Variants in NIFK observed in about 807,000 individuals in gnomAD.
NIFK encodes the protein nucleolar protein interacting with the FHA domain of MKI67, also known as MKI67 FHA domain-interacting nucleolar phosphoprotein.
Under a neutral mutation model 31.7 loss-of-function variants are expected in NIFK, and 16 were observed. The ratio of observed to expected loss-of-function variants is 0.50; its 90% CI spans 0.34 to 0.77. The LOEUF is 0.77. NIFK is among the 30% of genes least tolerant of loss of function. The pLI is 0.01. For missense variants in NIFK, 341 were observed against 350.4 expected, an observed-to-expected ratio of 0.97 and a Z score of 0.21; for synonymous variants, 126 against 123.0, an observed-to-expected ratio of 1.02 and a Z score of -0.16.
chr2:121,732,079 A>G lies in NIFK; in HGVS notation c.352+17T>C. 6.7e-7 allele frequency: 1 copy of G among 1,503,278 alleles called. No homozygotes were observed. Among genetic ancestry groups the G allele is most frequent in the East Asian group, 2.3e-5 (1 of 44,360 alleles). 93.1% of individuals were successfully genotyped at this position (1,503,278 alleles called of 1,614,324 possible). A position where few individuals can be genotyped will look rare whatever the true frequency, so the allele number is the denominator to read the frequency against. On this transcript the variant is annotated intron_variant, in intron 3 of 6. Transcript: ENST00000285814. Reference sequence around the variant, plus strand: ...GCAGGCACCCAGGCAACCCTGCGGTAAGACAGGAGCACTTACACTCCAAGA... The same window carrying G: ...GCAGGCACCCAGGCAACCCTGCGGTGAGACAGGAGCACTTACACTCCAAGA...
chr2:121,736,246 C>T (rs1460693866), intron 1 of NIFK, among the ~76,000 whole-genome samples: 1 of 152,194 alleles, frequency 6.6e-6, no homozygotes, highest in African/African-American at 2.4e-5. Context: ...AAAGTATAAG[C>T]GATGTCAGGG....
In NIFK at chr2:121,727,313, C is replaced by A; in HGVS notation, c.*411G>T. On this transcript the variant is annotated 3_prime_UTR_variant, in exon 7 of 7. Transcript: ENST00000285814. ...CATCTGATGTTGAAATCTAAAGCAC[C>A]TCCATGAGTTAAATGTCCCCGACAA... 2.3e-6 allele frequency: 1 copy of A among 432,356 alleles called. No individual in the cohort carries two copies. The highest frequency in any genetic ancestry group is 4.8e-6 in the Non-Finnish European group (1 of 210,068). 26.8% of individuals were successfully genotyped at this position (432,356 alleles called of 1,614,324 possible).
intron 3 of NIFK, 177 bp from the exon 4 acceptor site, chr2:121,731,281 C>G (rs930662443): frequency 3.2e-5 from 18 of 556,236 alleles, no homozygotes; most frequent in Non-Finnish European, 4.4e-5. Context: ...GCAGCCTTGT[C>G]AGCTGTGAAC....
intron 3 of NIFK, 31 bp downstream of exon 3, chr2:121,732,065 G>A: frequency 3.7e-6 from 5 of 1,357,536 alleles, no homozygotes; most frequent in Non-Finnish European, 4.2e-6. Context: ...CAGGCACCCA[G>A]GCAACCCTGC....
At position 121,727,446 on chromosome 2, in the gene NIFK, A is replaced by T. The variant is rs1334256665; in HGVS notation, c.*278T>A. On this transcript the variant is annotated 3_prime_UTR_variant, in exon 7 of 7. Transcript: ENST00000285814. ...TTAGTGGTCAACTTTCTATCCAGGC[A>T]GAGTAAACTAAGGAGAGCTATGAAA... is the stretch of plus-strand genomic sequence containing the variant. 1.7e-5 allele frequency: 10 copies of T among 585,384 alleles called. No individual in the cohort carries two copies. The highest frequency in any genetic ancestry group is 3.3e-5 in the Non-Finnish European group (10 of 303,078). The allele number at this position is 585,384 out of a possible 1,614,324, so 36.3% of individuals were successfully genotyped here.
intron 2 of NIFK, among the ~76,000 whole-genome samples, chr2:121,734,275 T>A (rs2074564275): frequency 6.6e-6 from 1 of 151,748 alleles, no homozygotes. Flanking sequence ...AACCTAATGT[T>A]CAATAGGAGG....
intron 4 of NIFK, among the ~76,000 whole-genome samples, chr2:121,728,859 G>A (rs2074515170): frequency 6.6e-6 from 1 of 152,052 alleles, no homozygotes; most frequent in African/African-American, 2.4e-5. Context: ...TCACAAACAG[G>A]GTACAGGAAA....
intron 2 of NIFK, among the ~76,000 whole-genome samples, chr2:121,733,661 A>ACAG (rs1218511559): frequency 6.6e-6 from 1 of 152,162 alleles, no homozygotes; most frequent in African/African-American, 2.4e-5. Flanking sequence ...AGCCCGGGCG[A>ACAG]CAGAGTGAGA....
intron 4 of NIFK, 66 bp downstream of exon 4, chr2:121,730,827 C>T: frequency 1.9e-6 from 2 of 1,078,818 alleles, no homozygotes; most frequent in East Asian, 4.7e-5. Context: ...AGGTACTTTA[C>T]AAGGTACAAA....
At chr2:121,730,133 G>C (rs566378426) in intron 4 of NIFK, among the ~76,000 whole-genome samples, 2 of 152,316 alleles carry the variant, frequency 1.3e-5, no homozygotes, top group East Asian at 3.9e-4. Flanking sequence ...AGAATTGCTT[G>C]AACCTGGGAG....
rs2074574775 is a variant in NIFK at position 121,735,752 on chromosome 2, T to C, written c.106-2A>G. On this transcript the variant is annotated splice_acceptor_variant, in intron 1 of 6. Transcript: ENST00000285814. LOFTEE classifies it high-confidence loss of function. ...AGTAAGTTGTTCTTGTTTTTTTCGC[T>C]AAAGACGTAAAGACCAGGTAAATTA... 1 of 1,608,938 alleles carries C rather than the reference T, an allele frequency of 6.2e-7. No individual in the cohort carries two copies. The highest frequency in any genetic ancestry group is 8.5e-7 in the Non-Finnish European group (1 of 1,177,834).
At chr2:121,732,953 G>C (rs925134581) in intron 2 of NIFK, among the ~76,000 whole-genome samples, 4 of 151,332 alleles carry the variant, frequency 2.6e-5, no homozygotes, top group Non-Finnish European at 5.9e-5. Context: ...ATGGTGACAT[G>C]TACCTGTAAT....
Position 121,736,861 on chromosome 2 carries a change from G to T in NIFK, c.-11C>A, listed in dbSNP as rs377067775. On this transcript the variant is annotated 5_prime_UTR_variant, in exon 1 of 7. Transcript: ENST00000285814. ...AGAAAAAGTCGCCATGCCAAAAGCC[G>T]CCGACGCTAACCACGCGGCGCTCCC... The T allele has an allele frequency of 6.2e-7, 1 of 1,610,336 alleles. No homozygotes were observed. Among genetic ancestry groups the T allele is most frequent in the Non-Finnish European group, 8.5e-7 (1 of 1,176,840 alleles).
chr2:121,730,551 A>T, intron 4 of NIFK: 1 of 212,058 alleles, frequency 4.7e-6, no homozygotes, highest in Non-Finnish European at 9.4e-6. Context: ...AAAAAAGTTT[A>T]GTCAAAAAAC....
intron 2 of NIFK, among the ~76,000 whole-genome samples, chr2:121,734,938 C>A (rs1268850197): frequency 1.3e-5 from 2 of 152,156 alleles, no homozygotes; most frequent in Non-Finnish European, 2.9e-5. Flanking sequence ...CCCTATCCCC[C>A]ACATGCTAAA....
In NIFK at chr2:121,730,957, T is replaced by C. The variant is rs1298339651; in HGVS notation, c.500A>G (p.Lys167Arg). ...QKLRMEERFK[K>R]KERLLRKKLA... ...TTTCTTCCTGAGTAATCTTTCTTTCTTTTTAAATCGCTCCTCCATCCGTAG... is the reference window on the plus strand; with the variant it reads ...TTTCTTCCTGAGTAATCTTTCTTTCCTTTTAAATCGCTCCTCCATCCGTAG... The change falls in exon 4 of 7, where the codon AAG (lysine) becomes AGG (arginine). Residue 167 changes from lysine (K) to arginine (R), a missense_variant. By Grantham distance (26) the Lys-to-Arg change is conservative. Transcript: ENST00000285814. 6.2e-7 allele frequency: 1 copy of C among 1,613,338 alleles called. No individual in the cohort carries two copies. The highest frequency in any genetic ancestry group is 2.2e-5 in the East Asian group (1 of 44,890).
intron 2 of NIFK, 87 bp from the exon 3 acceptor site, chr2:121,732,291 G>A: frequency 1.3e-6 from 1 of 767,370 alleles, no homozygotes; most frequent in Non-Finnish European, 2.3e-6. Context: ...TTTAAATAAT[G>A]TATATTAGCC....
At chr2:121,732,264 T>G in intron 2 of NIFK, 60 bp from the exon 3 acceptor site, 1 of 957,196 alleles carries the variant, frequency 1.0e-6, no homozygotes. Context: ...GTCATCAAAT[T>G]CCTAAAATGC....
intron 5 of NIFK, 46 bp downstream of exon 5, chr2:121,728,431 A>C: frequency 1.4e-6 from 2 of 1,478,436 alleles, no homozygotes; most frequent in Non-Finnish European, 1.9e-6. Flanking sequence ...TTTCCTACTT[A>C]TCCTTCTCTA....
Sources: gnomAD v4.1 joint callset for allele counts (sites outside exome capture counted in the v4.1 genomes callset) on GRCh38, gnomAD v4.1.1 for gene constraint, MANE v1.5 for transcripts, NCBI Gene and HGNC (gene_info 2026-07-23, HGNC 2026-07-21) for gene names.